RBFOX1: variants seen among roughly 807,000 people sequenced by gnomAD.
The protein encoded by RBFOX1 is RNA binding fox-1 homolog 1, also known as RNA binding protein fox-1 homolog 1.
In RBFOX1, 8 loss-of-function variants were observed where a neutral mutation model predicts 57.7. The observed-to-expected ratio is 0.14, with a 90% CI of 0.08 to 0.25. The LOEUF (loss-of-function observed/expected upper bound fraction) is 0.25, where lower values mean the gene tolerates loss of function less well. Ranked by LOEUF, RBFOX1 falls within the 10% of genes least tolerant of loss-of-function variation. RBFOX1 has a pLI of 1.00. For missense variants in RBFOX1, 611 were observed against 548.5 expected (o/e 1.11, Z -1.14); for synonymous variants, 326 against 222.4 (o/e 1.47, Z -4.15).
intron 2 of RBFOX1, among the ~76,000 whole-genome samples, chr16:6,595,405 G>A (rs2097767505): frequency 6.6e-6 from 1 of 152,154 alleles, no homozygotes; most frequent in Non-Finnish European, 1.5e-5. Flanking sequence ...ACGTTTTGTA[G>A]CCAAATAATA....
At chr16:6,163,248 G>A (rs952594000) in intron 1 of RBFOX1, among the ~76,000 whole-genome samples, 1 of 152,210 alleles carries the variant, frequency 6.6e-6, no homozygotes, top group Non-Finnish European at 1.5e-5. Context: ...TACAAATAGA[G>A]TGTTTCATAC....
chr16:5,751,967 A>G (rs1008418829), intron 3 of RBFOX1, among the ~76,000 whole-genome samples: 3 of 152,222 alleles, frequency 2.0e-5, no homozygotes, highest in African/African-American at 7.2e-5. Flanking sequence ...ATAAAGATAC[A>G]TGCATGTGTA....
At chr16:7,670,344 T>C (rs1242758627) in intron 13 of RBFOX1, among the ~76,000 whole-genome samples, 1 of 152,150 alleles carries the variant, frequency 6.6e-6, no homozygotes, top group African/African-American at 2.4e-5. Flanking sequence ...CAGGAAACTT[T>C]TTTTTCCAGA....
At chr16:5,991,349 G>A (rs1407070672) in intron 4 of RBFOX1, among the ~76,000 whole-genome samples, 2 of 152,166 alleles carry the variant, frequency 1.3e-5, no homozygotes, top group Admixed American at 1.3e-4. Flanking sequence ...TTGCAAACGG[G>A]TAGCTACAGC....
chr16:6,951,380 G>A (rs1240053829), intron 3 of RBFOX1, among the ~76,000 whole-genome samples: 1 of 152,132 alleles, frequency 6.6e-6, no homozygotes, highest in Non-Finnish European at 1.5e-5. Context: ...AATCACCCTA[G>A]TATAATGGCT....
chr16:6,854,632 T>C (rs1248148865), intron 3 of RBFOX1, among the ~76,000 whole-genome samples: 2 of 143,122 alleles, frequency 1.4e-5, no homozygotes, highest in Admixed American at 7.4e-5. Context: ...TCTCGCTGTT[T>C]TGCCCAGGCT....
rs1305191127 is a variant in RBFOX1, at chr16:6,450,818, C to CATAT, written c.-64+133776_-64+133779dup. Among the ~76,000 whole-genome samples the CATAT allele has an allele frequency of 3.4e-4, 6 of 17,706 alleles. 1 individual carries two copies. Among genetic ancestry groups the CATAT allele is most frequent in the African/African-American group, 1.0e-3 (5 of 4,866 alleles). The allele number at this position is 17,706 out of a possible 152,430, so 11.6% of individuals were successfully genotyped here. A position where few individuals can be genotyped will look rare whatever the true frequency, so the allele number is the denominator to read the frequency against. Reference sequence around the variant, plus strand: ...ATATATATGTATATATATATATATACATATATATATATATATATGTGTATA... The same window carrying CATAT: ...ATATATATGTATATATATATATATACATATATATATATATATATATATGTGTATA... On this transcript the variant is annotated intron_variant, in intron 2 of 15. Coordinates refer to ENST00000550418, the MANE Select transcript of RBFOX1 (RefSeq NM_018723.4).
intron 2 of RBFOX1, among the ~76,000 whole-genome samples, chr16:6,337,708 AAC>A (rs1202764582): frequency 6.6e-6 from 1 of 152,224 alleles, no homozygotes; most frequent in African/African-American, 2.4e-5. Flanking sequence ...CACTTGGCAA[AAC>A]ACATCTTTAT....
intron 3 of RBFOX1, among the ~76,000 whole-genome samples, chr16:5,814,923 G>T (rs545375332): frequency 6.6e-6 from 1 of 151,664 alleles, no homozygotes; most frequent in Admixed American, 6.6e-5. Flanking sequence ...GCGACAGAGC[G>T]AGACTCCGTC....
chr16:6,105,291 C>G (rs1408120902), intron 1 of RBFOX1, among the ~76,000 whole-genome samples: 1 of 152,108 alleles, frequency 6.6e-6, no homozygotes, highest in Non-Finnish European at 1.5e-5. Flanking sequence ...TAAACGTAAT[C>G]CATTTGTAAC....
chr16:6,734,454 T>C (rs759840587), intron 3 of RBFOX1, among the ~76,000 whole-genome samples: 4 of 152,210 alleles, frequency 2.6e-5, no homozygotes, highest in Admixed American at 6.5e-5. Context: ...ATCCTCATGA[T>C]AAAGGTCATG....
At chr16:7,027,744 C>T (rs367727119) in intron 3 of RBFOX1, among the ~76,000 whole-genome samples, 2 of 151,632 alleles carry the variant, frequency 1.3e-5, no homozygotes, top group East Asian at 3.9e-4. Context: ...AGACTTCTTT[C>T]CTTTTATATT....
At chr16:5,967,601 A>G (rs772847528) in intron 4 of RBFOX1, among the ~76,000 whole-genome samples, 1 of 152,214 alleles carries the variant, frequency 6.6e-6, no homozygotes, top group African/African-American at 2.4e-5. Flanking sequence ...AAAATACACC[A>G]TGGGCTCATA....
intron 1 of RBFOX1, among the ~76,000 whole-genome samples, chr16:5,355,575 A>C (rs1239427380): frequency 6.6e-6 from 1 of 152,104 alleles, no homozygotes; most frequent in Non-Finnish European, 1.5e-5. Flanking sequence ...TTATAGACAG[A>C]GACTTCTTCC....
Position 6,927,993 on chromosome 16 carries a change from C to T in RBFOX1, c.-15-124064C>T, listed in dbSNP as rs73543228. Among the ~76,000 whole-genome samples the T allele has an allele frequency of 1.1e-4, 16 of 152,198 alleles. No individual in the cohort carries two copies. In the East Asian group the frequency reaches 1.4e-3, roughly 13 times the overall value. On this transcript the variant is annotated intron_variant, in intron 3 of 15. Coordinates refer to ENST00000550418, the MANE Select transcript of RBFOX1 (RefSeq NM_018723.4). The stretch of plus-strand genomic sequence containing the variant: ...AAAGTTTCCCATTGAGCTGCTGTTC[C>T]GCTGCTGCTGGCTTCCACCCCCAGC...
intron 1 of RBFOX1, among the ~76,000 whole-genome samples, chr16:5,374,072 C>G (rs754425899): frequency 6.6e-6 from 1 of 151,838 alleles, no homozygotes; most frequent in Non-Finnish European, 1.5e-5. Flanking sequence ...CACCTGCCAT[C>G]ATGTGCAGGC....
chr16:7,218,667 T>TGTGTGTGTGTGCGC (rs1264498852), intron 4 of RBFOX1, among the ~76,000 whole-genome samples: 1 of 148,096 alleles, frequency 6.8e-6, no homozygotes, highest in African/African-American at 2.5e-5. Flanking sequence ...TGTGTGTGTG[T>TGTGTGTGTGTGCGC]GTGTGTGTGT....
At chr16:6,453,040 C>G (rs1194713813) in intron 2 of RBFOX1, among the ~76,000 whole-genome samples, 2 of 152,172 alleles carry the variant, frequency 1.3e-5, no homozygotes, top group African/African-American at 4.8e-5. Context: ...ATTTCTTCCT[C>G]TTATTCCACA....
At chr16:5,319,923 T>G (rs2064355533) in intron 1 of RBFOX1, among the ~76,000 whole-genome samples, 1 of 152,126 alleles carries the variant, frequency 6.6e-6, no homozygotes, top group African/African-American at 2.4e-5. Flanking sequence ...GCAGAAGGTT[T>G]TCATGGGTCA....
Sources: allele counts gnomAD v4.1 joint callset (sites outside exome capture counted in the v4.1 genomes callset), GRCh38; gene constraint gnomAD v4.1.1; transcripts MANE v1.5; gene names NCBI Gene and HGNC (gene_info 2026-07-23, HGNC 2026-07-21).